SMC5: variants seen among roughly 807,000 people sequenced by gnomAD.
SMC5 encodes structural maintenance of chromosomes 5.
In SMC5, 88 loss-of-function variants were observed where a neutral mutation model predicts 148.3. The observed-to-expected ratio is 0.59, with a 90% CI of 0.50 to 0.71. SMC5 has a LOEUF of 0.71. Ranked by LOEUF, SMC5 falls within the 30% of genes least tolerant of loss-of-function variation. The probability of loss-of-function intolerance (pLI) is 0.00; values close to 1 mark genes in which losing one functional copy is unlikely to be tolerated. For missense variants in SMC5, 1,142 were observed against 1,298.9 expected, an observed-to-expected ratio of 0.88 and a Z score of 1.86; for synonymous variants, 421 against 432.8, an observed-to-expected ratio of 0.97 and a Z score of 0.34.
intron 17 of SMC5, among the ~76,000 whole-genome samples, chr9:70,339,312 C>A (rs950645851): frequency 1.3e-5 from 2 of 152,006 alleles, no homozygotes; most frequent in African/African-American, 4.8e-5. Context: ...GCCTGTAGTC[C>A]CAGCTACTCG....
chr9:70,342,662 T>C (rs573455663), intron 17 of SMC5, among the ~76,000 whole-genome samples: 1 of 152,266 alleles, frequency 6.6e-6, no homozygotes, highest in East Asian at 1.9e-4. Context: ...AAGATCATAA[T>C]TGGGATTAGA....
chr9:70,298,255 AAAATG>A (rs754889455), intron 9 of SMC5, 34 bp downstream of exon 9: 1 of 1,585,280 alleles, frequency 6.3e-7, no homozygotes, highest in Non-Finnish European at 8.6e-7. Context: ...AAATGTTTAT[AAAATG>A]TAGATACATC....
intron 11 of SMC5, among the ~76,000 whole-genome samples, chr9:70,308,573 C>T (rs1465720432): frequency 1.8e-4 from 21 of 115,612 alleles, no homozygotes; most frequent in African/African-American, 6.6e-4. Context: ...CCAGCCTGGG[C>T]GACAGAGACT....
At chr9:70,263,059 T>A (rs1202546376) in intron 1 of SMC5, among the ~76,000 whole-genome samples, 1 of 152,208 alleles carries the variant, frequency 6.6e-6, no homozygotes, top group African/African-American at 2.4e-5. Flanking sequence ...CTTTTCCCTG[T>A]TCTGTTTTCT....
intron 22 of SMC5, 143 bp from the exon 23 acceptor site, chr9:70,349,971 T>C (rs1039472062): frequency 2.3e-6 from 1 of 441,480 alleles, no homozygotes; most frequent in Non-Finnish European, 3.9e-6. Flanking sequence ...AAAATACATA[T>C]ATATTTATTG....
At chr9:70,292,488 T>G (rs2035090085) in intron 8 of SMC5, among the ~76,000 whole-genome samples, 1 of 152,208 alleles carries the variant, frequency 6.6e-6, no homozygotes, top group East Asian at 1.9e-4. Context: ...CTGATTTGTA[T>G]GCACTTAGTT....
At chr9:70,261,581 C>G (rs1048997530) in intron 1 of SMC5, among the ~76,000 whole-genome samples, 2 of 152,126 alleles carry the variant, frequency 1.3e-5, no homozygotes, top group Admixed American at 6.5e-5. Flanking sequence ...GAGAGATGTT[C>G]TATAGGCAGA....
intron 8 of SMC5, among the ~76,000 whole-genome samples, chr9:70,288,352 T>C (rs2034965040): frequency 6.6e-6 from 1 of 152,184 alleles, no homozygotes. Flanking sequence ...ATTTCTTCTC[T>C]TCCTATCACT....
chr9:70,318,981 CA>C lies in SMC5; in HGVS notation c.2150+19del, dbSNP rs1166433910. 5 of 1,587,138 alleles carry C rather than the reference CA, an allele frequency of 3.2e-6. No individual in the cohort carries two copies. The highest frequency in any genetic ancestry group is 2.2e-5 in the East Asian group (1 of 44,478). Reference sequence around the variant, plus strand: ...CTAGGAAGGTATCTTTTAGCCTATTCAGGGGGGAGAGCACAAATTACTGTAT... The same window carrying C: ...CTAGGAAGGTATCTTTTAGCCTATTCGGGGGGAGAGCACAAATTACTGTAT... On this transcript the variant is annotated intron_variant, in intron 15 of 24. Transcript: ENST00000361138.
chr9:70,285,384 C>G (rs1182022330), intron 7 of SMC5, among the ~76,000 whole-genome samples: 1 of 152,204 alleles, frequency 6.6e-6, no homozygotes, highest in Non-Finnish European at 1.5e-5. Context: ...AAAGTCCTGT[C>G]TACAAGGGAA....
Position 70,258,978 on chromosome 9 carries a change from A to G in SMC5, c.-101A>G, listed in dbSNP as rs1009862524. On this transcript the variant is annotated 5_prime_UTR_variant, in exon 1 of 25. Transcript: ENST00000361138. ...CGAGCGCGCGGTAACAGTTCGCGGC[A>G]GTTCGCGCGGGAGCGGGGCGCCTGG... The G allele has an allele frequency of 1.7e-5, 24 of 1,371,846 alleles. No homozygotes were observed. The highest frequency in any genetic ancestry group is 3.0e-5 in the South Asian group (2 of 65,988). 85.0% of individuals were successfully genotyped at this position (1,371,846 alleles called of 1,614,324 possible).
intron 17 of SMC5, among the ~76,000 whole-genome samples, chr9:70,334,101 A>T (rs1381378717): frequency 6.6e-6 from 1 of 151,494 alleles, no homozygotes; most frequent in African/African-American, 2.4e-5. Context: ...GACTCAAGAC[A>T]TCCACATATT....
At chr9:70,334,419 A>G (rs1367423707) in intron 17 of SMC5, among the ~76,000 whole-genome samples, 2 of 152,212 alleles carry the variant, frequency 1.3e-5, no homozygotes, top group Non-Finnish European at 2.9e-5. Context: ...GCATTCATCA[A>G]AATGAACAAC....
At chr9:70,291,581 CCTTTT>C (rs1390300318) in intron 8 of SMC5, among the ~76,000 whole-genome samples, 1 of 152,126 alleles carries the variant, frequency 6.6e-6, no homozygotes, top group African/African-American at 2.4e-5. Context: ...CATTCCCCAG[CCTTTT>C]CTTTTAAGAT....
chr9:70,289,101 A>G (rs2034987809), intron 8 of SMC5, among the ~76,000 whole-genome samples: 1 of 152,050 alleles, frequency 6.6e-6, no homozygotes, highest in East Asian at 1.9e-4. Context: ...GCAGTGGAGC[A>G]GTCTTGGCTC....
At chr9:70,275,298 C>T (rs566777585) in intron 3 of SMC5, among the ~76,000 whole-genome samples, 3 of 152,062 alleles carry the variant, frequency 2.0e-5, no homozygotes, top group Non-Finnish European at 4.4e-5. Context: ...GCATCCTTGA[C>T]CTCCTTGGTT....
chr9:70,316,973 C>G (rs1480701183), intron 13 of SMC5, among the ~76,000 whole-genome samples: 1 of 151,976 alleles, frequency 6.6e-6, no homozygotes, highest in South Asian at 2.1e-4. Context: ...TCAAACATAT[C>G]AAATACCTTA....
intron 15 of SMC5, 53 bp from the exon 16 acceptor site, chr9:70,323,430 G>T: frequency 6.7e-6 from 10 of 1,498,126 alleles, no homozygotes; most frequent in Non-Finnish European, 8.9e-6. Flanking sequence ...AAGAATTTGG[G>T]ATCAATTCTT....
At chr9:70,348,185 T>G in intron 22 of SMC5, 147 bp downstream of exon 22, 1 of 776,988 alleles carries the variant, frequency 1.3e-6, no homozygotes, top group Non-Finnish European at 1.9e-6. Context: ...GAAAACCACC[T>G]GTGGGATTCC....
Sources: allele counts gnomAD v4.1 joint callset (sites outside exome capture counted in the v4.1 genomes callset), GRCh38; gene constraint gnomAD v4.1.1; transcripts MANE v1.5; gene names NCBI Gene and HGNC (gene_info 2026-07-23, HGNC 2026-07-21).